Variants in PLEKHH2 observed in about 807,000 individuals in gnomAD.
PLEKHH2 encodes the protein pleckstrin homology domain-containing family H member 2.
A neutral mutation model predicts 187.9 loss-of-function variants in PLEKHH2; 129 were observed. That is an observed-to-expected ratio of 0.69 (90% CI 0.59 to 0.79). PLEKHH2 has a LOEUF of 0.79. PLEKHH2 is among the 30% of genes least tolerant of loss of function. PLEKHH2 has a pLI of 0.00. For synonymous variants in PLEKHH2, 686 were observed against 605.6 expected, an observed-to-expected ratio of 1.13 and a Z score of -1.95; for missense variants, 2,076 against 1,751.2, an observed-to-expected ratio of 1.19 and a Z score of -3.31.
At chr2:43,711,051 G>A (rs1669939875) in intron 14 of PLEKHH2, 1 of 988,262 alleles carries the variant, frequency 1.0e-6, no homozygotes, top group African/African-American at 1.7e-5. Flanking sequence ...GTGCTGCCAA[G>A]CAAGTCACAC....
At chr2:43,700,982 C>T (rs530381805) in intron 8 of PLEKHH2, among the ~76,000 whole-genome samples, 11 of 152,290 alleles carry the variant, frequency 7.2e-5, no homozygotes, top group African/African-American at 2.2e-4. Flanking sequence ...TTTGTTCTGA[C>T]GTTTTCCAGT....
At position 43,700,629 on chromosome 2, in the gene PLEKHH2, A is replaced by G. The variant is rs2104487194; in HGVS notation, c.1650+21A>G. Reference sequence around the variant, plus strand: ...CTTGGGTAATTATATCACCGCATGTAACACATACGCAGTAGTTTTTTTCTC... The same window carrying G: ...CTTGGGTAATTATATCACCGCATGTGACACATACGCAGTAGTTTTTTTCTC... On this transcript the variant is annotated intron_variant, in intron 8 of 29. Transcript: ENST00000282406. 4.4e-6 allele frequency: 7 copies of G among 1,587,926 alleles called. No individual in the cohort carries two copies. In the East Asian group the frequency reaches 1.1e-4, roughly 25 times the overall value.
chr2:43,699,781 A>G lies in PLEKHH2; in HGVS notation c.823A>G (p.Ile275Val), dbSNP rs746624245. 3.1e-6 allele frequency: 5 copies of G among 1,614,090 alleles called. No individual in the cohort carries two copies. Among genetic ancestry groups the G allele is most frequent in the Non-Finnish European group, 4.2e-6 (5 of 1,180,028 alleles). The change falls in exon 8 of 30, where the codon ATC (isoleucine) becomes GTC (valine). Residue 275 changes from isoleucine (I) to valine (V), a missense_variant. Coordinates refer to ENST00000282406, the MANE Select transcript of PLEKHH2 (RefSeq NM_172069.4). ...AACAAGCTTTGCCACAGATGGTGGC[A>G]TCTCCCAGAATTCTGGGGCTCCTGT... Reference protein sequence around the residue: ...TRTSFATDGGISQNSGAPVSD... With the variant: ...TRTSFATDGGVSQNSGAPVSD...
intron 3 of PLEKHH2, among the ~76,000 whole-genome samples, chr2:43,687,060 T>G (rs1389855528): frequency 1.3e-5 from 2 of 152,156 alleles, no homozygotes; most frequent in Non-Finnish European, 2.9e-5. Context: ...TTATATTACG[T>G]GATGCTGAGG....
At chr2:43,675,968 G>A (rs1275415740) in intron 2 of PLEKHH2, 2 of 1,613,940 alleles carry the variant, frequency 1.2e-6, no homozygotes, top group Admixed American at 1.7e-5. Context: ...GTCCTCATCT[G>A]TACCCACCTG....
chr2:43,646,365 C>G (rs879353020), intron 2 of PLEKHH2, among the ~76,000 whole-genome samples: 2 of 152,134 alleles, frequency 1.3e-5, no homozygotes, highest in Non-Finnish European at 2.9e-5. Flanking sequence ...TTGTCAGGAT[C>G]CACCAATTAT....
chr2:43,727,653 C>T (rs10199649), intron 17 of PLEKHH2, among the ~76,000 whole-genome samples: 26,985 of 151,978 alleles, frequency 0.18, 2,850 homozygotes, highest in Admixed American at 0.29. Flanking sequence ...TGTATCAGGC[C>T]AAGTGCTAAG....
At position 43,704,018 on chromosome 2, in the gene PLEKHH2, G is replaced by T. The variant is rs370995072; in HGVS notation, c.1688G>T (p.Arg563Leu). ...RIYAVAKSGI[R>L]MSEAFNMESV... Reference sequence around the variant, plus strand: ...TATGCTGTAGCCAAATCAGGTATTCGAATGTCTGAGGCCTTCAATATGGAG... The same window carrying T: ...TATGCTGTAGCCAAATCAGGTATTCTAATGTCTGAGGCCTTCAATATGGAG... Residue 563 changes from arginine (R) to leucine (L), a missense_variant, in exon 9 of 30, where the codon CGA becomes CTA. Physicochemically the swap from Arg to Leu is moderately radical, Grantham distance 102. Coordinates refer to ENST00000282406, the MANE Select transcript of PLEKHH2 (RefSeq NM_172069.4). The T allele has an allele frequency of 6.3e-6, 10 of 1,587,496 alleles. No homozygotes were observed. In the Admixed American group the frequency reaches 1.7e-4, roughly 28 times the overall value.
chr2:43,757,761 T>C (rs1421730203), intron 26 of PLEKHH2, among the ~76,000 whole-genome samples: 2 of 123,120 alleles, frequency 1.6e-5, no homozygotes, highest in East Asian at 4.0e-4. Context: ...AGAATCTATA[T>C]TTAAACTTTC....
intron 19 of PLEKHH2, among the ~76,000 whole-genome samples, chr2:43,734,743 C>G (rs1179887498): frequency 6.6e-6 from 1 of 152,196 alleles, no homozygotes; most frequent in Non-Finnish European, 1.5e-5. Context: ...AGCAGTCTCA[C>G]TGGGAGTATA....
chr2:43,679,961 C>T (rs1031746304), intron 3 of PLEKHH2, among the ~76,000 whole-genome samples: 2 of 152,250 alleles, frequency 1.3e-5, no homozygotes, highest in Admixed American at 6.5e-5. Context: ...TCACTGTGCT[C>T]AGACAACTTT....
At chr2:43,685,074 T>C (rs188557590) in intron 3 of PLEKHH2, among the ~76,000 whole-genome samples, 1 of 152,224 alleles carries the variant, frequency 6.6e-6, no homozygotes, top group East Asian at 1.9e-4. Context: ...TGTTAATAAC[T>C]TAGAGTAACT....
chr2:43,759,925 C>T (rs930677943), intron 27 of PLEKHH2, among the ~76,000 whole-genome samples: 3 of 152,122 alleles, frequency 2.0e-5, no homozygotes, highest in African/African-American at 7.2e-5. Flanking sequence ...TATCTTCTAA[C>T]TCTGATTCTA....
chr2:43,677,515 G>A (rs1046534328), intron 2 of PLEKHH2, among the ~76,000 whole-genome samples: 1 of 151,920 alleles, frequency 6.6e-6, no homozygotes, highest in Non-Finnish European at 1.5e-5. Flanking sequence ...AGGGTTGGGG[G>A]TAAGGTCACA....
chr2:43,649,896 A>G (rs959040213), intron 2 of PLEKHH2, among the ~76,000 whole-genome samples: 1 of 152,172 alleles, frequency 6.6e-6, no homozygotes, highest in Non-Finnish European at 1.5e-5. Flanking sequence ...CATTAAACAA[A>G]TTTATTTGTA....
At chr2:43,707,781 G>C (rs993776622) in intron 11 of PLEKHH2, among the ~76,000 whole-genome samples, 1 of 151,854 alleles carries the variant, frequency 6.6e-6, no homozygotes, top group Admixed American at 6.6e-5. Context: ...CTGTGAGAGG[G>C]AGATCACTTT....
At chr2:43,697,390 T>G (rs2104477683) in intron 7 of PLEKHH2, 34 bp downstream of exon 7, 1 of 1,527,544 alleles carries the variant, frequency 6.5e-7, no homozygotes, top group South Asian at 1.3e-5. Context: ...ACTTTGGCAT[T>G]TTTTAAAAAG....
At chr2:43,696,225 C>G (rs755260250) in intron 6 of PLEKHH2, among the ~76,000 whole-genome samples, 3 of 152,140 alleles carry the variant, frequency 2.0e-5, no homozygotes, top group Non-Finnish European at 2.9e-5. Flanking sequence ...GTAATCCCAG[C>G]ATTTTGGGAG....
At chr2:43,698,314 C>G (rs1455038074) in intron 7 of PLEKHH2, among the ~76,000 whole-genome samples, 1 of 150,412 alleles carries the variant, frequency 6.6e-6, no homozygotes, top group Middle Eastern at 3.2e-3. Flanking sequence ...GTGGCACGAT[C>G]ACAGCTCACT....
Sources: gnomAD v4.1 joint callset for allele counts (sites outside exome capture counted in the v4.1 genomes callset) on GRCh38, gnomAD v4.1.1 for gene constraint, MANE v1.5 for transcripts, NCBI Gene and HGNC (gene_info 2026-07-23, HGNC 2026-07-21) for gene names.